The following COMMD1 variants were observed in gnomAD, a reference collection of about 807,000 sequenced individuals.
COMMD1 encodes the protein COMM domain-containing protein 1.
COMMD1 carries 10 observed loss-of-function variants against 17.2 expected under a neutral mutation model. That is an observed-to-expected ratio of 0.58 (90% confidence interval 0.36 to 0.99). The LOEUF (loss-of-function observed/expected upper bound fraction) is 0.99. COMMD1 is among the 50% of genes least tolerant of loss of function. The pLI is 0.01. For synonymous variants in COMMD1, 97 were observed against 91.6 expected (o/e 1.06, Z -0.34); for missense variants, 270 against 231.8 (o/e 1.17, Z -1.07).
At chr2:62,121,371 CA>C (rs55789110) in intron 2 of COMMD1, among the ~76,000 whole-genome samples, 18,649 of 46,220 alleles carry the variant, frequency 0.4, 1,245 homozygotes, top group South Asian at 0.52. Context: ...GACTCTTTCT[CA>C]AAAAAAAAAA....
intron 2 of COMMD1, among the ~76,000 whole-genome samples, chr2:62,049,597 A>G (rs1056945074): frequency 2.0e-5 from 3 of 151,654 alleles, no homozygotes; most frequent in Admixed American, 1.3e-4. Context: ...TGGTTGAGAA[A>G]CTCTGCCCTA....
intron 2 of COMMD1, among the ~76,000 whole-genome samples, chr2:62,109,919 CTTTTTTTTTTT>C (rs11345736): frequency 1.4e-5 from 1 of 73,854 alleles, no homozygotes; most frequent in Non-Finnish European, 2.4e-5. Context: ...TTATCTTGAT[CTTTTTTTTTTT>C]TTTTTTTTTT....
chr2:61,901,488 T>C (rs2105164254), upstream of COMMD1, among the ~76,000 whole-genome samples: 1 of 151,880 alleles, frequency 6.6e-6, no homozygotes, highest in African/African-American at 2.4e-5. Context: ...GTCAGCGTGG[T>C]GGTGTGCATA....
intron 2 of COMMD1, among the ~76,000 whole-genome samples, chr2:62,072,990 C>T (rs532864283): frequency 2.4e-4 from 37 of 152,338 alleles, no homozygotes; most frequent in Non-Finnish European, 4.3e-4. Context: ...GAGTGCAGTC[C>T]GCCAGGCCGA....
At chr2:61,981,047 A>T (rs6734223) in intron 1 of COMMD1, among the ~76,000 whole-genome samples, 16,960 of 152,130 alleles carry the variant, frequency 0.11, 2,217 homozygotes, top group African/African-American at 0.32. Flanking sequence ...TATCCTGGTT[A>T]TTAATCTCTT....
intron 1 of COMMD1, among the ~76,000 whole-genome samples, chr2:61,996,829 C>T (rs1668771037): frequency 6.6e-6 from 1 of 152,168 alleles, no homozygotes; most frequent in African/African-American, 2.4e-5. Context: ...GCAGTTACTT[C>T]CTCCACTGAA....
At chr2:62,033,196 A>G (rs1669955647) in intron 2 of COMMD1, among the ~76,000 whole-genome samples, 1 of 152,240 alleles carries the variant, frequency 6.6e-6, no homozygotes, top group Non-Finnish European at 1.5e-5. Flanking sequence ...AAAAAAAGAA[A>G]TTAATTTTAC....
At chr2:62,111,572 G>C (rs949736092) in intron 2 of COMMD1, among the ~76,000 whole-genome samples, 1 of 152,184 alleles carries the variant, frequency 6.6e-6, no homozygotes, top group Admixed American at 6.5e-5. Flanking sequence ...TTAGAAGGGA[G>C]AGAGTGACCT....
chr2:62,001,043 G>GTAGTGAAA, intron 2 of COMMD1, 61 bp downstream of exon 2: 1 of 1,485,724 alleles, frequency 6.7e-7, no homozygotes, highest in African/African-American at 1.4e-5. Context: ...ATGTTAGCTT[G>GTAGTGAAA]TCTATTCAGC....
At chr2:62,042,421 A>G (rs906946463) in intron 2 of COMMD1, among the ~76,000 whole-genome samples, 7 of 152,252 alleles carry the variant, frequency 4.6e-5, no homozygotes, top group South Asian at 2.1e-4. Flanking sequence ...TTACCTCTCA[A>G]TGGCACTCTC....
chr2:61,910,657 C>T (rs1669880586), intron 1 of COMMD1, among the ~76,000 whole-genome samples: 1 of 152,188 alleles, frequency 6.6e-6, no homozygotes, highest in Admixed American at 6.6e-5. Context: ...TGGATATGCT[C>T]AATTCCAGTA....
chr2:62,033,116 C>T (rs765900688), intron 2 of COMMD1, among the ~76,000 whole-genome samples: 18 of 152,062 alleles, frequency 1.2e-4, no homozygotes, highest in Non-Finnish European at 2.4e-4. Context: ...CCTTAACTTA[C>T]ATCTTAGGTT....
chr2:61,926,759 C>G (rs569867508), intron 1 of COMMD1, among the ~76,000 whole-genome samples: 3 of 152,228 alleles, frequency 2.0e-5, no homozygotes, highest in African/African-American at 7.2e-5. Context: ...AAGAACGTAA[C>G]CATCTGCCTC....
At chr2:62,063,280 C>G (rs766120854) in intron 2 of COMMD1, among the ~76,000 whole-genome samples, 3 of 152,112 alleles carry the variant, frequency 2.0e-5, no homozygotes, top group Non-Finnish European at 4.4e-5. Context: ...CGCCTGTAGT[C>G]TCAGCTACTA....
intron 2 of COMMD1, among the ~76,000 whole-genome samples, chr2:62,052,880 G>C (rs1454394712): frequency 1.3e-5 from 2 of 152,118 alleles, no homozygotes; most frequent in Non-Finnish European, 2.9e-5. Context: ...ACCAGCCTGG[G>C]CAACATGACA....
At position 62,050,789 on chromosome 2, in the gene COMMD1, C is replaced by T. The variant is rs756388343; in HGVS notation, c.462+49807C>T. Among the ~76,000 whole-genome samples the T allele has an allele frequency of 8.3e-4, 127 of 152,250 alleles. 2 individuals carry two copies. The highest frequency in any genetic ancestry group is 8.5e-4 in the Non-Finnish European group (58 of 68,004). On this transcript the variant is annotated intron_variant, in intron 2 of 2. Coordinates refer to ENST00000311832, the MANE Select transcript of COMMD1 (RefSeq NM_152516.4). ...TTGATTTTGTTTCTCCTTGAAGATG[C>T]GTGACTGATGTTCTGAAACTTGACC...
At chr2:61,990,023 C>T (rs1301575443) in intron 1 of COMMD1, among the ~76,000 whole-genome samples, 2 of 152,066 alleles carry the variant, frequency 1.3e-5, no homozygotes, top group African/African-American at 4.8e-5. Context: ...AGATCTACAT[C>T]GAAGCCTGAA....
intron 2 of COMMD1, among the ~76,000 whole-genome samples, chr2:62,050,334 A>G (rs1190876048): frequency 6.6e-6 from 1 of 152,222 alleles, no homozygotes; most frequent in Non-Finnish European, 1.5e-5. Flanking sequence ...CTAATGTTGG[A>G]GAAAATTTGA....
intron 1 of COMMD1, among the ~76,000 whole-genome samples, chr2:61,933,505 C>T (rs1247858347): frequency 1.3e-5 from 2 of 151,896 alleles, no homozygotes; most frequent in East Asian, 3.9e-4. Context: ...GAGCCCAGCC[C>T]TTATGTATCA....
Sources: allele counts gnomAD v4.1 joint callset (sites outside exome capture counted in the v4.1 genomes callset), GRCh38; gene constraint gnomAD v4.1.1; transcripts MANE v1.5; gene names NCBI Gene and HGNC (gene_info 2026-07-23, HGNC 2026-07-21).